The following TMEM164 variants were observed in gnomAD, a reference collection of about 807,000 sequenced individuals.
TMEM164 encodes the protein RP13-360B22.2.
A neutral mutation model predicts 18.8 loss-of-function variants in TMEM164; 4 were observed. The observed-to-expected ratio is 0.21, with a 90% CI of 0.10 to 0.49. TMEM164 has a LOEUF of 0.49. Among genes scored for constraint, TMEM164 ranks in the 20% least tolerant of loss-of-function variants. TMEM164 has a pLI of 0.98. For synonymous variants in TMEM164, 86 were observed against 101.7 expected, an observed-to-expected ratio of 0.85 and a Z score of 0.93; for missense variants, 108 against 239.9, an observed-to-expected ratio of 0.45 and a Z score of 3.63.
At chrX:110,177,819 C>T (rs1280919769), downstream of TMEM164, 1 of 111,846 alleles carries the variant, frequency 8.9e-6, no homozygotes, top group Non-Finnish European at 1.9e-5. Flanking sequence ...TTCCCAGAAC[C>T]CTCTCAGAAG....
intron 3 of TMEM164, among the ~76,000 whole-genome samples, chrX:110,100,458 C>CTTTTTAGTCT (rs1415381263): frequency 9.0e-6 from 1 of 111,612 alleles, no homozygotes; most frequent in Non-Finnish European, 1.9e-5. Context: ...TGATCACGTA[C>CTTTTTAGTCT]TTTTTAGTCT....
chrX:110,108,068 C>CTG (rs56714507), intron 3 of TMEM164, among the ~76,000 whole-genome samples: 10,441 of 46,146 alleles, frequency 0.23, 1,803 homozygotes, highest in Non-Finnish European at 0.29. Context: ...AGGAGGTATG[C>CTG]TGTGTGTGTG....
chrX:110,057,965 T>C (rs748114716), intron 2 of TMEM164, among the ~76,000 whole-genome samples: 3 of 112,322 alleles, frequency 2.7e-5, no homozygotes, highest in South Asian at 7.2e-4. Context: ...TGTTTTTGTT[T>C]GTTTGTTTTT....
intron 2 of TMEM164, among the ~76,000 whole-genome samples, chrX:110,054,060 A>C (rs1191836332): frequency 7.1e-5 from 8 of 111,987 alleles, no homozygotes. Flanking sequence ...ATTGGCAACA[A>C]ACATGACCTC....
chrX:110,089,540 A>G (rs1467809781), intron 3 of TMEM164, among the ~76,000 whole-genome samples: 1 of 112,511 alleles, frequency 8.9e-6, no homozygotes, highest in African/African-American at 3.2e-5. Flanking sequence ...AATATTTAAA[A>G]TATAACGGGA....
intron 3 of TMEM164, among the ~76,000 whole-genome samples, chrX:110,105,461 G>C (rs1372991213): frequency 1.8e-5 from 2 of 109,092 alleles, no homozygotes; most frequent in Non-Finnish European, 3.8e-5. Flanking sequence ...CAGGCTGGAG[G>C]GGGGTATAAA....
chrX:110,106,769 G>A (rs2147967325), intron 3 of TMEM164, among the ~76,000 whole-genome samples: 2 of 111,941 alleles, frequency 1.8e-5, no homozygotes, highest in South Asian at 3.7e-4. Context: ...GAGGGCCCAG[G>A]GGCAGGGTTA....
chrX:110,107,333 T>C (rs1470722673), intron 3 of TMEM164, among the ~76,000 whole-genome samples: 1 of 112,078 alleles, frequency 8.9e-6, no homozygotes, highest in East Asian at 2.8e-4. Flanking sequence ...CTCGTTTCCT[T>C]ATCAACAAAA....
At chrX:110,165,273 T>C (rs1479058376) in intron 5 of TMEM164, among the ~76,000 whole-genome samples, 1 of 113,005 alleles carries the variant, frequency 8.8e-6, no homozygotes, top group African/African-American at 3.2e-5. Flanking sequence ...GCTGAGTATA[T>C]GAAATGTGGC....
intron 4 of TMEM164, among the ~76,000 whole-genome samples, chrX:110,116,817 C>T (rs1457691537): frequency 9.7e-6 from 1 of 102,617 alleles, no homozygotes; most frequent in Admixed American, 1.1e-4. Flanking sequence ...GGCTGGGCCA[C>T]TCCCTTGTGT....
At chrX:110,142,767 C>T (rs913139144) in intron 4 of TMEM164, among the ~76,000 whole-genome samples, 3 of 113,312 alleles carry the variant, frequency 2.6e-5, no homozygotes, top group African/African-American at 9.6e-5. Context: ...ACAGAGCTAC[C>T]GAGCAGCAGA....
At chrX:110,009,484 G>A (rs1265186498) in intron 2 of TMEM164, among the ~76,000 whole-genome samples, 1 of 92,747 alleles carries the variant, frequency 1.1e-5, no homozygotes, top group Non-Finnish European at 2.4e-5. Context: ...GTTTTTGCAT[G>A]TTTCTTTAAT....
chrX:110,047,136 C>A (rs779786506), intron 2 of TMEM164, among the ~76,000 whole-genome samples: 133 of 111,764 alleles, frequency 1.2e-3, no homozygotes, highest in African/African-American at 4.0e-3. Context: ...AATTATCAAC[C>A]CTTCTCTTTC....
chrX:110,155,851 G>A (rs1602723446), intron 5 of TMEM164, among the ~76,000 whole-genome samples: 1 of 112,043 alleles, frequency 8.9e-6, no homozygotes, highest in East Asian at 2.8e-4. Context: ...CATCTCTTTG[G>A]CCTCATTTCT....
At chrX:110,026,280 C>T (rs1159461610) in intron 2 of TMEM164, among the ~76,000 whole-genome samples, 1 of 111,823 alleles carries the variant, frequency 8.9e-6, no homozygotes, top group Non-Finnish European at 1.9e-5. Context: ...AAGTTGTTGA[C>T]TTTTGTTCCT....
intron 3 of TMEM164, among the ~76,000 whole-genome samples, chrX:110,077,566 A>G (rs1191615707): frequency 2.7e-5 from 3 of 111,809 alleles, no homozygotes; most frequent in Non-Finnish European, 5.6e-5. Context: ...GCTGTGTACT[A>G]AAATGTGTTT....
chrX:110,169,554 C>T (rs917678974), intron 5 of TMEM164, among the ~76,000 whole-genome samples: 1 of 111,702 alleles, frequency 9.0e-6, no homozygotes, highest in African/African-American at 3.3e-5. Flanking sequence ...TGCAGACACA[C>T]GTGATCACCT....
Position 110,176,984 on chromosome X carries a change from C to G in TMEM164, c.*3533C>G, listed in dbSNP as rs2067297090. On this transcript the variant is annotated 3_prime_UTR_variant, in exon 7 of 7. Coordinates refer to ENST00000372068, the MANE Select transcript of TMEM164 (RefSeq NM_032227.4). ...GGCCCCAGGCTGGGAAGGAGCTCCC[C>G]CCACTGCCCATCCTGCCCGCTTTGT... 2 of 112,317 alleles carry G rather than the reference C, an allele frequency of 1.8e-5. No homozygotes were observed. The highest frequency in any genetic ancestry group is 3.7e-4 in the South Asian group (1 of 2,707). The allele number at this position is 112,317 out of a possible 1,213,427, so 9.3% of individuals were successfully genotyped here.
chrX:110,004,237 G>A, intron 2 of TMEM164, 73 bp downstream of exon 2: 2 of 1,079,145 alleles, frequency 1.9e-6, no homozygotes, highest in Non-Finnish European at 2.5e-6. Flanking sequence ...ACTCCATAGT[G>A]TACAGCACCT....
Sources: allele counts gnomAD v4.1 joint callset (sites outside exome capture counted in the v4.1 genomes callset), GRCh38; gene constraint gnomAD v4.1.1; transcripts MANE v1.5; gene names NCBI Gene and HGNC (gene_info 2026-07-23, HGNC 2026-07-21).